The following RNGTT variants were observed in gnomAD, a reference collection of about 807,000 sequenced individuals.
RNGTT encodes RNA guanylyltransferase and 5'-phosphatase, also known as mRNA-capping enzyme.
A neutral mutation model predicts 79.3 loss-of-function variants in RNGTT; 33 were observed. The ratio of observed to expected loss-of-function variants is 0.42; its 90% CI spans 0.32 to 0.56. The LOEUF (loss-of-function observed/expected upper bound fraction) is 0.56, where lower values mean the gene tolerates loss of function less well. Among genes scored for constraint, RNGTT ranks in the 20% least tolerant of loss-of-function variants. The pLI is 0.17. For missense variants in RNGTT, 497 were observed against 739.1 expected (o/e 0.67, Z 3.80); for synonymous variants, 222 against 235.9 (o/e 0.94, Z 0.54).
intron 11 of RNGTT, among the ~76,000 whole-genome samples, chr6:88,816,940 T>C (rs1267813489): frequency 6.6e-6 from 1 of 152,090 alleles, no homozygotes; most frequent in Non-Finnish European, 1.5e-5. Flanking sequence ...CAAACAATAA[T>C]ATGGAGACCT....
At chr6:88,819,468 G>C (rs1174670092) in intron 11 of RNGTT, among the ~76,000 whole-genome samples, 1 of 152,148 alleles carries the variant, frequency 6.6e-6, no homozygotes, top group African/African-American at 2.4e-5. Flanking sequence ...CCAAACAGTA[G>C]GATCTGCATT....
At chr6:88,646,220 A>G (rs1294757329) in intron 14 of RNGTT, among the ~76,000 whole-genome samples, 5 of 152,264 alleles carry the variant, frequency 3.3e-5, no homozygotes, top group Non-Finnish European at 7.3e-5. Context: ...GAAGACATTT[A>G]TGCAGCCAGC....
Position 88,675,522 on chromosome 6 carries a change from T to C in RNGTT, c.1506+2831A>G, listed in dbSNP as rs140177848. Reference sequence around the variant, plus strand: ...ACCTGGCCAACAGAGCAAGACCCTGTCTGTATAAAAAAGAAAATTTTAAAA... The same window carrying C: ...ACCTGGCCAACAGAGCAAGACCCTGCCTGTATAAAAAAGAAAATTTTAAAA... On this transcript the variant is annotated intron_variant, in intron 14 of 15. Coordinates refer to ENST00000369485, the MANE Select transcript of RNGTT (RefSeq NM_003800.5). 6.7e-3 allele frequency among the ~76,000 whole-genome samples: 1,027 copies of C among 152,218 alleles called. 3 individuals carry two copies. The highest frequency in any genetic ancestry group is 0.029 in the South Asian group (142 of 4,814).
intron 13 of RNGTT, among the ~76,000 whole-genome samples, chr6:88,758,417 A>G (rs941543114): frequency 2.6e-5 from 4 of 152,224 alleles, no homozygotes; most frequent in African/African-American, 9.6e-5. Context: ...CAAGCCTCAG[A>G]GCTATTATAC....
At chr6:88,743,746 T>C (rs1449409080) in intron 13 of RNGTT, among the ~76,000 whole-genome samples, 1 of 152,244 alleles carries the variant, frequency 6.6e-6, no homozygotes, top group Non-Finnish European at 1.5e-5. Context: ...TTCCACATTT[T>C]AGCTATTGTG....
rs181639072 is a variant in RNGTT, at chr6:88,930,438, G to A, written c.175-1171C>T. On this transcript the variant is annotated intron_variant, in intron 2 of 15. Coordinates refer to ENST00000369485, the MANE Select transcript of RNGTT (RefSeq NM_003800.5). Reference sequence around the variant, plus strand: ...TAATCTTGGCACTTTGGGAGGCCACGGCAAGAGGATCGCTTGAAAAACCAT... The same window carrying A: ...TAATCTTGGCACTTTGGGAGGCCACAGCAAGAGGATCGCTTGAAAAACCAT... 5.0e-3 allele frequency among the ~76,000 whole-genome samples: 762 copies of A among 151,698 alleles called. 4 individuals carry two copies. Among genetic ancestry groups the A allele is most frequent in the African/African-American group, 0.017 (716 of 41,370 alleles).
At chr6:88,627,037 C>T (rs1423726926) in intron 14 of RNGTT, among the ~76,000 whole-genome samples, 1 of 151,772 alleles carries the variant, frequency 6.6e-6, no homozygotes, top group East Asian at 1.9e-4. Context: ...TTAACATCCA[C>T]CATTAACATG....
intron 14 of RNGTT, among the ~76,000 whole-genome samples, chr6:88,668,333 A>G (rs186426686): frequency 2.5e-3 from 378 of 152,284 alleles, no homozygotes; most frequent in Non-Finnish European, 4.2e-3. Context: ...CAATCCCTAC[A>G]AAGTGACTCT....
intron 13 of RNGTT, among the ~76,000 whole-genome samples, chr6:88,680,508 G>A (rs1046422995): frequency 4.0e-5 from 6 of 151,848 alleles, no homozygotes; most frequent in African/African-American, 9.7e-5. Context: ...TTGGGAAGCC[G>A]AGGAGGGGGG....
intron 13 of RNGTT, among the ~76,000 whole-genome samples, chr6:88,681,593 T>C (rs1180374821): frequency 6.6e-6 from 1 of 152,188 alleles, no homozygotes; most frequent in Non-Finnish European, 1.5e-5. Context: ...TTTTAACAAA[T>C]TGTATATGTA....
intron 11 of RNGTT, among the ~76,000 whole-genome samples, chr6:88,814,456 CT>C (rs1240719066): frequency 1.3e-5 from 2 of 152,052 alleles, no homozygotes; most frequent in East Asian, 1.9e-4. Flanking sequence ...TTTTAAAGCC[CT>C]TTTTTTCCTG....
chr6:88,871,862 C>G (rs979628299), intron 8 of RNGTT, among the ~76,000 whole-genome samples: 1 of 152,148 alleles, frequency 6.6e-6, no homozygotes, highest in African/African-American at 2.4e-5. Flanking sequence ...AATCCCCTCT[C>G]CAGGAGTTTA....
chr6:88,867,115 T>C (rs926466924), intron 8 of RNGTT, among the ~76,000 whole-genome samples: 2 of 152,170 alleles, frequency 1.3e-5, no homozygotes, highest in African/African-American at 4.8e-5. Context: ...GTGATTCACA[T>C]ACACATAGAA....
chr6:88,718,169 T>C (rs778477970), intron 13 of RNGTT, among the ~76,000 whole-genome samples: 3 of 152,024 alleles, frequency 2.0e-5, no homozygotes, highest in Non-Finnish European at 2.9e-5. Flanking sequence ...GGCGGATTAC[T>C]TGAGGCCAGG....
At chr6:88,904,269 G>A (rs903568979) in intron 6 of RNGTT, among the ~76,000 whole-genome samples, 20 of 152,124 alleles carry the variant, frequency 1.3e-4, no homozygotes, top group Admixed American at 8.5e-4. Flanking sequence ...AGACAGACTC[G>A]TGGCTATTAA....
intron 8 of RNGTT, among the ~76,000 whole-genome samples, chr6:88,882,675 TA>T (rs779514889): frequency 4.6e-5 from 7 of 152,226 alleles, no homozygotes; most frequent in Non-Finnish European, 1.0e-4. Context: ...AGGAGGTGAT[TA>T]GGCCACAAGG....
rs148132249 is a variant in RNGTT, at chr6:88,848,443, G to A, written c.1104+1312C>T. ...TGTTCAATATAGTAGTAATATAAAA[G>A]CAAAAAATGGAAACCTTAATGTTCA... On this transcript the variant is annotated intron_variant, in intron 10 of 15. Coordinates refer to ENST00000369485, the MANE Select transcript of RNGTT (RefSeq NM_003800.5). 6.8e-3 allele frequency among the ~76,000 whole-genome samples: 995 copies of A among 146,446 alleles called. 10 individuals are homozygous for A. Among genetic ancestry groups the A allele is most frequent in the Middle Eastern group, 0.024 (7 of 286 alleles).
At chr6:88,888,240 G>A (rs1198128464) in intron 8 of RNGTT, among the ~76,000 whole-genome samples, 1 of 152,004 alleles carries the variant, frequency 6.6e-6, no homozygotes, top group Non-Finnish European at 1.5e-5. Context: ...GTAGTGTAAA[G>A]CCTAGAGATA....
intron 13 of RNGTT, among the ~76,000 whole-genome samples, chr6:88,696,341 G>T (rs1191757314): frequency 6.6e-6 from 1 of 152,088 alleles, no homozygotes; most frequent in East Asian, 1.9e-4. Flanking sequence ...ATGGATAGTT[G>T]ATTTATTATT....
Sources: allele counts gnomAD v4.1 joint callset (sites outside exome capture counted in the v4.1 genomes callset), GRCh38; gene constraint gnomAD v4.1.1; transcripts MANE v1.5; gene names NCBI Gene and HGNC (gene_info 2026-07-23, HGNC 2026-07-21).